OSBP2: variants seen among roughly 807,000 people sequenced by gnomAD.
The protein encoded by OSBP2 is oxysterol binding protein 2, also known as oxysterol-binding protein 2.
Under a neutral mutation model 96.0 loss-of-function variants are expected in OSBP2, and 66 were observed. The ratio of observed to expected loss-of-function variants is 0.69; its 90% confidence interval spans 0.56 to 0.84. OSBP2 has a LOEUF of 0.84. Ranked by LOEUF, OSBP2 falls within the 40% of genes least tolerant of loss-of-function variation. OSBP2 has a pLI of 0.00. For missense variants in OSBP2, 1,038 were observed against 1,222.7 expected, an observed-to-expected ratio of 0.85 and a Z score of 2.25; for synonymous variants, 525 against 520.9, an observed-to-expected ratio of 1.01 and a Z score of -0.11.
chr22:30,821,893 A>G (rs2038280420), intron 2 of OSBP2, among the ~76,000 whole-genome samples: 1 of 152,258 alleles, frequency 6.6e-6, no homozygotes, highest in Non-Finnish European at 1.5e-5. Context: ...TAAACCTTGT[A>G]ATTAACTTTG....
intron 1 of OSBP2, among the ~76,000 whole-genome samples, chr22:30,725,369 A>G (rs984709685): frequency 6.6e-6 from 1 of 151,050 alleles, no homozygotes; most frequent in African/African-American, 2.4e-5. Context: ...TTAGCCAGGC[A>G]TGGTGGCATG....
intron 2 of OSBP2, among the ~76,000 whole-genome samples, chr22:30,857,602 A>G (rs1351894074): frequency 6.6e-6 from 1 of 152,240 alleles, no homozygotes; most frequent in East Asian, 1.9e-4. Context: ...ATAGCCAAGT[A>G]ATAATGGCCA....
chr22:30,836,980 G>C (rs1395642749), intron 2 of OSBP2, among the ~76,000 whole-genome samples: 1 of 152,170 alleles, frequency 6.6e-6, no homozygotes, highest in Non-Finnish European at 1.5e-5. Context: ...ATGATAAAAA[G>C]TGGCTCACTC....
chr22:30,703,284 C>G (rs901487503), intron 1 of OSBP2, among the ~76,000 whole-genome samples: 1 of 151,692 alleles, frequency 6.6e-6, no homozygotes, highest in Non-Finnish European at 1.5e-5. Context: ...AGCGATTTTC[C>G]TGCCTCAGCC....
At chr22:30,768,538 A>G (rs898645564) in intron 2 of OSBP2, among the ~76,000 whole-genome samples, 1 of 152,062 alleles carries the variant, frequency 6.6e-6, no homozygotes, top group Non-Finnish European at 1.5e-5. Context: ...TTATCTGGGC[A>G]TGGTGGCATA....
rs34500140 is a variant in OSBP2 at position 30,746,485 on chromosome 22, C to CTTTT, written c.853+5134_853+5137dup. 6.5e-3 allele frequency among the ~76,000 whole-genome samples: 660 copies of CTTTT among 101,446 alleles called. 9 individuals carry two copies. The highest frequency in any genetic ancestry group is 0.013 in the Middle Eastern group (2 of 154). The allele number at this position is 101,446 out of a possible 152,430, so 66.6% of individuals were successfully genotyped here. A position where few individuals can be genotyped will look rare whatever the true frequency, so the allele number is the denominator to read the frequency against. On this transcript the variant is annotated intron_variant, in intron 2 of 13. Transcript: ENST00000332585. Reference sequence around the variant, plus strand: ...CCAAAAAATTGAAGAGGATGAAACACTTTTTTTTTTTTTTTTTTTTTGAGA... The same window carrying CTTTT: ...CCAAAAAATTGAAGAGGATGAAACACTTTTTTTTTTTTTTTTTTTTTTTTTGAGA...
At chr22:30,757,444 CAGAGTCTCTG>C (rs1007700521) in intron 2 of OSBP2, among the ~76,000 whole-genome samples, 3 of 150,986 alleles carry the variant, frequency 2.0e-5, no homozygotes, top group African/African-American at 4.9e-5. Context: ...TTTTTTGAGA[CAGAGTCTCTG>C]TCGCCCAAGC....
At chr22:30,856,779 G>GA (rs111339901) in intron 2 of OSBP2, among the ~76,000 whole-genome samples, 25 of 147,742 alleles carry the variant, frequency 1.7e-4, no homozygotes, top group South Asian at 2.1e-4. Context: ...ATTTCTTTTA[G>GA]AAAAAAAAAA....
chr22:30,855,670 C>G (rs2039064881), intron 2 of OSBP2, among the ~76,000 whole-genome samples: 1 of 152,206 alleles, frequency 6.6e-6, no homozygotes, highest in African/African-American at 2.4e-5. Flanking sequence ...CCACTACATG[C>G]TAATCAGAGC....
chr22:30,711,905 A>G (rs2089359993), intron 1 of OSBP2, among the ~76,000 whole-genome samples: 2 of 152,072 alleles, frequency 1.3e-5, no homozygotes, highest in African/African-American at 4.8e-5. Context: ...GTTTGATGAC[A>G]TAGGTCTCTG....
At chr22:30,883,828 C>G (rs1229260833) in intron 3 of OSBP2, among the ~76,000 whole-genome samples, 1 of 152,194 alleles carries the variant, frequency 6.6e-6, no homozygotes, top group Non-Finnish European at 1.5e-5. Context: ...ACAAAACCAG[C>G]AAAGAGGTGC....
intron 1 of OSBP2, among the ~76,000 whole-genome samples, chr22:30,726,572 A>G (rs1439506282): frequency 6.6e-6 from 1 of 150,752 alleles, no homozygotes; most frequent in Admixed American, 6.7e-5. Flanking sequence ...GGTGCAGCAG[A>G]CCACCATGGC....
At chr22:30,875,084 C>T (rs1037381810) in intron 3 of OSBP2, among the ~76,000 whole-genome samples, 4 of 152,200 alleles carry the variant, frequency 2.6e-5, no homozygotes, top group Admixed American at 2.6e-4. Context: ...AAGTGGCCCA[C>T]GGCTCACATT....
In OSBP2 at chr22:30,898,606, C is replaced by T. The variant is rs554847529; in HGVS notation, c.2375+4605C>T. ...GAGCAGAGAGTAGGGGAAACAGCTG[C>T]TTACAAAACCATCAGATCTAGTGAG... is the stretch of plus-strand genomic sequence containing the variant. On this transcript the variant is annotated intron_variant, in intron 12 of 13. Coordinates refer to ENST00000332585, the MANE Select transcript of OSBP2 (RefSeq NM_030758.4). 4.6e-5 allele frequency among the ~76,000 whole-genome samples: 7 copies of T among 152,216 alleles called. No homozygotes were observed. The South Asian group carries it at 6.2e-4, about 14-fold the overall frequency.
chr22:30,902,695 C>A (rs2040241882), intron 12 of OSBP2: 2 of 528,792 alleles, frequency 3.8e-6, no homozygotes, highest in Non-Finnish European at 7.2e-6. Context: ...TGTTGTGACG[C>A]CCCTCAATGA....
chr22:30,819,577 T>A (rs1387076707), intron 2 of OSBP2, among the ~76,000 whole-genome samples: 1 of 152,250 alleles, frequency 6.6e-6, no homozygotes, highest in Non-Finnish European at 1.5e-5. Flanking sequence ...GGCTGCCTGT[T>A]CAGCTAGGTT....
intron 2 of OSBP2, among the ~76,000 whole-genome samples, chr22:30,754,068 C>CA (rs1180948814): frequency 6.6e-6 from 1 of 152,112 alleles, no homozygotes; most frequent in African/African-American, 2.4e-5. Flanking sequence ...ATCAGAGGCA[C>CA]ACAGCACTTG....
intron 12 of OSBP2, among the ~76,000 whole-genome samples, chr22:30,897,832 C>T (rs1439935485): frequency 1.3e-5 from 2 of 151,994 alleles, no homozygotes; most frequent in Non-Finnish European, 2.9e-5. Context: ...CACTTGTAAT[C>T]CCAGCTACTT....
chr22:30,714,262 G>A (rs1167851227), intron 1 of OSBP2, among the ~76,000 whole-genome samples: 1 of 152,124 alleles, frequency 6.6e-6, no homozygotes, highest in East Asian at 1.9e-4. Context: ...TGGCTGAATA[G>A]TATTCCATTG....
Sources: allele counts gnomAD v4.1 joint callset (sites outside exome capture counted in the v4.1 genomes callset), GRCh38; gene constraint gnomAD v4.1.1; transcripts MANE v1.5; gene names NCBI Gene and HGNC (gene_info 2026-07-23, HGNC 2026-07-21).